EDIL3: variants seen among roughly 807,000 people sequenced by gnomAD.
The protein encoded by EDIL3 is EGF-like repeat and discoidin I-like domain-containing protein 3.
A neutral mutation model predicts 67.4 loss-of-function variants in EDIL3; 37 were observed. The observed-to-expected ratio is 0.55, with a 90% CI of 0.42 to 0.72. The LOEUF is 0.72. Among genes scored for constraint, EDIL3 ranks in the 30% least tolerant of loss-of-function variants. EDIL3 has a pLI of 0.00. For synonymous variants in EDIL3, 195 were observed against 196.3 expected (o/e 0.99, Z 0.05); for missense variants, 527 against 586.3 (o/e 0.90, Z 1.04).
intron 9 of EDIL3, among the ~76,000 whole-genome samples, chr5:84,055,457 T>C (rs1004482200): frequency 6.8e-6 from 1 of 147,354 alleles, no homozygotes. Flanking sequence ...AATTGACAAA[T>C]GGGATCTAAT....
At chr5:84,324,185 A>T (rs1205347637) in intron 1 of EDIL3, among the ~76,000 whole-genome samples, 1 of 151,900 alleles carries the variant, frequency 6.6e-6, no homozygotes, top group African/African-American at 2.4e-5. Context: ...AAGCCTCAAT[A>T]GATTAACAAA....
At chr5:84,197,752 G>A (rs1189370565) in intron 3 of EDIL3, among the ~76,000 whole-genome samples, 1 of 151,986 alleles carries the variant, frequency 6.6e-6, no homozygotes, top group Admixed American at 6.6e-5. Context: ...TGAAGTGCAA[G>A]AGGGGAAGTG....
At chr5:83,980,317 A>C (rs1744949007) in intron 9 of EDIL3, among the ~76,000 whole-genome samples, 1 of 151,868 alleles carries the variant, frequency 6.6e-6, no homozygotes. Flanking sequence ...TATTTACTAT[A>C]AAACGGCAAC....
intron 1 of EDIL3, among the ~76,000 whole-genome samples, chr5:84,291,462 C>G (rs986057725): frequency 2.6e-5 from 4 of 151,440 alleles, no homozygotes; most frequent in African/African-American, 9.7e-5. Flanking sequence ...ACAAAACAAC[C>G]CTGAAAGGTG....
At chr5:84,108,518 T>C (rs112571484) in intron 5 of EDIL3, among the ~76,000 whole-genome samples, 2 of 152,180 alleles carry the variant, frequency 1.3e-5, no homozygotes, top group South Asian at 2.1e-4. Context: ...ATTAGTAGAA[T>C]TGAAGTCTTA....
At chr5:83,959,898 G>A (rs1457499572) in intron 10 of EDIL3, among the ~76,000 whole-genome samples, 2 of 150,678 alleles carry the variant, frequency 1.3e-5, no homozygotes, top group Non-Finnish European at 3.0e-5. Context: ...CATATAAAAT[G>A]ACTACATTTT....
At chr5:84,013,727 C>T (rs1745554107) in intron 9 of EDIL3, among the ~76,000 whole-genome samples, 2 of 152,114 alleles carry the variant, frequency 1.3e-5, no homozygotes, top group African/African-American at 4.8e-5. Context: ...AAGAACATGT[C>T]GAGCTCACAT....
intron 9 of EDIL3, among the ~76,000 whole-genome samples, chr5:83,967,617 T>A (rs2112134215): frequency 6.6e-6 from 1 of 152,234 alleles, no homozygotes; most frequent in African/African-American, 2.4e-5. Flanking sequence ...ATAAATATTT[T>A]TAGAGTGTGT....
intron 5 of EDIL3, among the ~76,000 whole-genome samples, chr5:84,122,155 C>A (rs1747787297): frequency 6.6e-6 from 1 of 151,960 alleles, no homozygotes; most frequent in African/African-American, 2.4e-5. Flanking sequence ...TTCTCTTCTG[C>A]AACTAAGATA....
chr5:84,305,918 A>ATAG (rs1554041204), intron 1 of EDIL3, among the ~76,000 whole-genome samples: 1,544 of 149,772 alleles, frequency 0.01, 24 homozygotes, highest in African/African-American at 0.036. Context: ...TAAATAAATA[A>ATAG]ATAGATAGAT....
At chr5:84,171,215 T>TA (rs1233709585) in intron 4 of EDIL3, among the ~76,000 whole-genome samples, 1 of 152,116 alleles carries the variant, frequency 6.6e-6, no homozygotes, top group African/African-American at 2.4e-5. Context: ...GCAATCATAT[T>TA]AAAAAAATAA....
At chr5:84,324,161 C>T (rs534263534) in intron 1 of EDIL3, among the ~76,000 whole-genome samples, 1 of 151,780 alleles carries the variant, frequency 6.6e-6, no homozygotes, top group Non-Finnish European at 1.5e-5. Context: ...AGACCATATG[C>T]TAAGACAAAA....
chr5:84,013,320 AT>A, intron 9 of EDIL3, among the ~76,000 whole-genome samples: 1 of 152,214 alleles, frequency 6.6e-6, no homozygotes, highest in East Asian at 1.9e-4. Context: ...CAAAAGTGCT[AT>A]TTTATTAGGC....
chr5:84,234,996 A>G (rs1025999), intron 2 of EDIL3, among the ~76,000 whole-genome samples: 117,961 of 152,060 alleles, frequency 0.78, 45,867 homozygotes, highest in East Asian at 0.95. Context: ...GTGTTGAGGG[A>G]AGCAGAGGCA....
chr5:84,380,542 A>G (rs1748054593), intron 1 of EDIL3, among the ~76,000 whole-genome samples: 1 of 152,112 alleles, frequency 6.6e-6, no homozygotes. Context: ...TGAACCTATT[A>G]CATCCTAATC....
chr5:84,339,770 T>C (rs1450008998), intron 1 of EDIL3, among the ~76,000 whole-genome samples: 1 of 152,104 alleles, frequency 6.6e-6, no homozygotes, highest in Non-Finnish European at 1.5e-5. Context: ...GTAGAGGGAC[T>C]TCTAACTCTA....
intron 1 of EDIL3, among the ~76,000 whole-genome samples, chr5:84,287,524 G>A (rs1334698464): frequency 6.6e-6 from 1 of 152,100 alleles, no homozygotes; most frequent in Non-Finnish European, 1.5e-5. Flanking sequence ...TGGAATTCAG[G>A]TTGAATTTTG....
intron 6 of EDIL3, among the ~76,000 whole-genome samples, chr5:84,074,785 G>C (rs1746819119): frequency 6.6e-6 from 1 of 152,132 alleles, no homozygotes; most frequent in Non-Finnish European, 1.5e-5. Flanking sequence ...GTGGAAGTCA[G>C]TGTGGCGATT....
At chr5:84,163,727 A>G (rs916231975) in intron 4 of EDIL3, among the ~76,000 whole-genome samples, 3 of 152,118 alleles carry the variant, frequency 2.0e-5, no homozygotes, top group Non-Finnish European at 4.4e-5. Context: ...AAAAATGCAT[A>G]AGGAAAGTTT....
Sources: gnomAD v4.1 joint callset for allele counts (sites outside exome capture counted in the v4.1 genomes callset) on GRCh38, gnomAD v4.1.1 for gene constraint, MANE v1.5 for transcripts, NCBI Gene and HGNC (gene_info 2026-07-23, HGNC 2026-07-21) for gene names.